TM9SF4: variants seen among roughly 807,000 people sequenced by gnomAD.
TM9SF4 encodes the protein transmembrane 9 superfamily member 4.
TM9SF4 carries 26 observed loss-of-function variants against 90.4 expected under a neutral mutation model. The observed-to-expected ratio is 0.29, with a 90% CI of 0.21 to 0.40. TM9SF4 has a LOEUF of 0.40. TM9SF4 is among the 10% of genes least tolerant of loss of function. TM9SF4 has a pLI of 1.00. For synonymous variants in TM9SF4, 293 were observed against 315.4 expected, an observed-to-expected ratio of 0.93 and a Z score of 0.75; for missense variants, 549 against 834.8, an observed-to-expected ratio of 0.66 and a Z score of 4.22.
At chr20:32,134,123 C>A (rs1353179065) in intron 2 of TM9SF4, among the ~76,000 whole-genome samples, 1 of 152,058 alleles carries the variant, frequency 6.6e-6, no homozygotes, top group Non-Finnish European at 1.5e-5. Context: ...CCCAAGACCC[C>A]ATCTCTTAAC....
chr20:32,154,967 C>CT, intron 12 of TM9SF4, 136 bp from the exon 13 acceptor site: 1 of 703,258 alleles, frequency 1.4e-6, no homozygotes, highest in Non-Finnish European at 2.6e-6. Context: ...TCAGGGAATA[C>CT]TTTCTGGAAG....
intron 13 of TM9SF4, among the ~76,000 whole-genome samples, chr20:32,156,976 C>G (rs1480579670): frequency 8.3e-6 from 1 of 120,502 alleles, no homozygotes; most frequent in East Asian, 2.9e-4. Context: ...GTCTCACTCT[C>G]TCACTCTGTC....
In TM9SF4 at chr20:32,123,042, G is replaced by T. The variant is rs1038714358; in HGVS notation, c.16-9971G>T. Among the ~76,000 whole-genome samples, 316 of 149,972 alleles carry T rather than the reference G, an allele frequency of 2.1e-3. 4 individuals are homozygous for T. The East Asian group carries it at 0.038, about 18-fold the overall frequency. On this transcript the variant is annotated intron_variant, in intron 1 of 17. Transcript: ENST00000398022. ...AAACCAGTCAGGCGTGGCGGCGTGC[G>T]CCTGCAATTGCAGGCACTCCGCAGG...
chr20:32,144,060 C>T (rs2046723350), intron 6 of TM9SF4, among the ~76,000 whole-genome samples: 1 of 152,178 alleles, frequency 6.6e-6, no homozygotes, highest in African/African-American at 2.4e-5. Flanking sequence ...ATTCTCCTGC[C>T]TCAGCCTCCT....
intron 1 of TM9SF4, among the ~76,000 whole-genome samples, chr20:32,113,710 T>G (rs2295034): frequency 0.12 from 18,465 of 152,208 alleles, 1,263 homozygotes; most frequent in East Asian, 0.18. Flanking sequence ...GTATATAATT[T>G]AGTGGGTTTT....
At chr20:32,144,135 G>A (rs892518008) in intron 6 of TM9SF4, among the ~76,000 whole-genome samples, 5 of 152,038 alleles carry the variant, frequency 3.3e-5, no homozygotes, top group South Asian at 2.1e-4. Context: ...TAGTAGAGAC[G>A]GGGTTTCACC....
chr20:32,126,662 G>A (rs2046427021), intron 1 of TM9SF4, among the ~76,000 whole-genome samples: 1 of 152,136 alleles, frequency 6.6e-6, no homozygotes, highest in South Asian at 2.1e-4. Context: ...CTCCTTGTGG[G>A]CATGTATTCT....
chr20:32,162,990 T>C (rs2047039183), intron 17 of TM9SF4, among the ~76,000 whole-genome samples: 1 of 152,062 alleles, frequency 6.6e-6, no homozygotes, highest in Non-Finnish European at 1.5e-5. Flanking sequence ...ATATCAGGGC[T>C]CAATCCCAGC....
At chr20:32,151,869 G>GTT (rs999123409) in intron 12 of TM9SF4, among the ~76,000 whole-genome samples, 1 of 141,216 alleles carries the variant, frequency 7.1e-6, no homozygotes, top group Non-Finnish European at 1.6e-5. Context: ...TTGTTTTTTT[G>GTT]TTTTTTTTTT....
intron 12 of TM9SF4, among the ~76,000 whole-genome samples, chr20:32,151,638 G>A (rs1481147138): frequency 6.6e-6 from 1 of 152,100 alleles, no homozygotes; most frequent in African/African-American, 2.4e-5. Context: ...GACTATTTTG[G>A]GAGGATCAAA....
Position 32,155,088 on chromosome 20 carries a change from C to T in TM9SF4, c.1246-15C>T, listed in dbSNP as rs765821282. ...CCCTGGATGCTGCTCCTCAACCCGG[C>T]CCCTCTTGCTCCAGACGGCAACTCT... On this transcript the variant is annotated splice_polypyrimidine_tract_variant and intron_variant, in intron 12 of 17. Transcript: ENST00000398022. 1.2e-6 allele frequency: 2 copies of T among 1,612,780 alleles called. No individual in the cohort carries two copies. The highest frequency in any genetic ancestry group is 1.7e-6 in the Non-Finnish European group (2 of 1,178,788).
intron 15 of TM9SF4, chr20:32,159,641 T>G (rs1373823310): frequency 4.4e-6 from 1 of 229,204 alleles, no homozygotes. Flanking sequence ...GACACACACA[T>G]GTAGCAATTG....
intron 1 of TM9SF4, among the ~76,000 whole-genome samples, chr20:32,121,655 C>A: frequency 1.3e-5 from 2 of 152,214 alleles, no homozygotes; most frequent in Non-Finnish European, 2.9e-5. Flanking sequence ...CCCCACCCCT[C>A]CCGCCTCTCC....
intron 2 of TM9SF4, among the ~76,000 whole-genome samples, chr20:32,135,537 G>A (rs919877680): frequency 2.0e-5 from 3 of 152,180 alleles, no homozygotes; most frequent in Non-Finnish European, 4.4e-5. Context: ...ACAGTCCAGT[G>A]GATACCGGGG....
At chr20:32,154,092 C>T (rs1336628136) in intron 12 of TM9SF4, among the ~76,000 whole-genome samples, 1 of 152,170 alleles carries the variant, frequency 6.6e-6, no homozygotes, top group Non-Finnish European at 1.5e-5. Flanking sequence ...CTTCACCATC[C>T]TTCTAGGCAG....
intron 1 of TM9SF4, among the ~76,000 whole-genome samples, chr20:32,114,949 A>G (rs1045482124): frequency 6.6e-6 from 1 of 152,212 alleles, no homozygotes. Flanking sequence ...CCAAATTCTG[A>G]GTTGAAAATT....
intron 13 of TM9SF4, among the ~76,000 whole-genome samples, 166 bp from the exon 14 acceptor site, chr20:32,157,628 G>C (rs1043032917): frequency 1.3e-5 from 2 of 152,192 alleles, no homozygotes; most frequent in Non-Finnish European, 2.9e-5. Context: ...GCTGGGGTCA[G>C]CCTCAAGAGA....
intron 1 of TM9SF4, among the ~76,000 whole-genome samples, chr20:32,127,599 T>G (rs926756973): frequency 2.6e-5 from 4 of 152,228 alleles, no homozygotes; most frequent in South Asian, 2.1e-4. Context: ...TTTTTTGGTG[T>G]TGTTTTCCTG....
intron 1 of TM9SF4, among the ~76,000 whole-genome samples, chr20:32,111,194 G>C (rs926644195): frequency 3.3e-5 from 5 of 152,192 alleles, no homozygotes; most frequent in Non-Finnish European, 7.4e-5. Flanking sequence ...TGTGGTTTCA[G>C]ACTTCAGGCT....
Sources: gnomAD v4.1 joint callset for allele counts (sites outside exome capture counted in the v4.1 genomes callset) on GRCh38, gnomAD v4.1.1 for gene constraint, MANE v1.5 for transcripts, NCBI Gene and HGNC (gene_info 2026-07-23, HGNC 2026-07-21) for gene names.